The following ALOX5 variants were observed in gnomAD, a reference collection of about 807,000 sequenced individuals.
ALOX5 encodes the protein arachidonate 5-lipoxygenase.
A neutral mutation model predicts 87.9 loss-of-function variants in ALOX5; 64 were observed. The ratio of observed to expected loss-of-function variants is 0.73; its 90% CI spans 0.60 to 0.90. ALOX5 has a LOEUF of 0.90. ALOX5 is among the 40% of genes least tolerant of loss of function. The probability of loss-of-function intolerance (pLI) is 0.00; values close to 1 mark genes in which losing one functional copy is unlikely to be tolerated. For missense variants in ALOX5, 822 were observed against 907.5 expected, an observed-to-expected ratio of 0.91 and a Z score of 1.21; for synonymous variants, 388 against 355.1, an observed-to-expected ratio of 1.09 and a Z score of -1.04.
intron 1 of ALOX5, 87 bp downstream of exon 1, chr10:45,374,516 G>A (rs1839513575): frequency 2.3e-6 from 3 of 1,286,022 alleles, no homozygotes; most frequent in Non-Finnish European, 3.0e-6. Context: ...CGGGGGCGCC[G>A]AGGGCCCGTC....
At chr10:45,424,672 C>A (rs1259406374) in intron 5 of ALOX5, among the ~76,000 whole-genome samples, 3 of 152,204 alleles carry the variant, frequency 2.0e-5, no homozygotes, top group African/African-American at 7.2e-5. Flanking sequence ...CCCAGGGACT[C>A]TCCTCCACGC....
chr10:45,445,633 G>T lies in ALOX5; in HGVS notation c.1971G>T (p.Gln657His). 6.2e-7 allele frequency: 1 copy of T among 1,614,002 alleles called. No homozygotes were observed. The highest frequency in any genetic ancestry group is 8.5e-7 in the Non-Finnish European group (1 of 1,180,016). Residue 657 changes from glutamine (Q) to histidine (H), a missense_variant, in exon 14 of 14, where the codon CAG becomes CAT. Gln to His is a conservative substitution (Grantham distance 24). Coordinates refer to ENST00000374391, the MANE Select transcript of ALOX5 (RefSeq NM_000698.5). ...SVIAERNKKKQLPYYYLSPDR... is the reference protein window; with the variant it reads ...SVIAERNKKKHLPYYYLSPDR... ...TTGCTGAGCGCAACAAGAAGAAGCAGCTGCCATATTACTACTTGTCCCCAG... is the reference window on the plus strand; with the variant it reads ...TTGCTGAGCGCAACAAGAAGAAGCATCTGCCATATTACTACTTGTCCCCAG...
rs1302660614 is a variant in ALOX5, at chr10:45,426,553, A to C, written c.834+1421A>C. On this transcript the variant is annotated intron_variant, in intron 6 of 13. Transcript: ENST00000374391. The stretch of plus-strand genomic sequence containing the variant: ...TTTAAAATGTGCAGTTATTTTCCGG[A>C]TCATGAATAGAGAAATTGTATCCCT... Among the ~76,000 whole-genome samples, 5 of 152,336 alleles carry C rather than the reference A, an allele frequency of 3.3e-5. No individual in the cohort carries two copies. The East Asian group carries it at 9.6e-4, about 29-fold the overall frequency.
chr10:45,391,006 TC>T (rs1840207471), intron 2 of ALOX5, among the ~76,000 whole-genome samples: 1 of 18,770 alleles, frequency 5.3e-5, no homozygotes, highest in Admixed American at 7.0e-4. Context: ...CCCTCTCCCC[TC>T]TCTCCTCTCC....
intron 2 of ALOX5, among the ~76,000 whole-genome samples, chr10:45,387,445 G>A (rs558514330): frequency 8.5e-5 from 13 of 152,276 alleles, no homozygotes; most frequent in Non-Finnish European, 1.6e-4. Context: ...CAGAGAAGAG[G>A]AGTAAACTAT....
chr10:45,388,281 A>C (rs1380779625), intron 2 of ALOX5, among the ~76,000 whole-genome samples: 2 of 152,226 alleles, frequency 1.3e-5, no homozygotes, highest in African/African-American at 4.8e-5. Context: ...ATAGCCGAAC[A>C]AAAGGCAGCA....
chr10:45,397,510 C>G (rs755044663), intron 3 of ALOX5, among the ~76,000 whole-genome samples: 1 of 152,094 alleles, frequency 6.6e-6, no homozygotes, highest in East Asian at 1.9e-4. Flanking sequence ...CTAGCCAGCT[C>G]AGTTAGGGAA....
At chr10:45,441,962 A>G (rs962661811) in intron 9 of ALOX5, among the ~76,000 whole-genome samples, 1 of 151,978 alleles carries the variant, frequency 6.6e-6, no homozygotes, top group South Asian at 2.1e-4. Context: ...GGACTCTCAC[A>G]TGGGCCCTTG....
rs1841677240 is a variant in ALOX5, at chr10:45,425,611, C to T, written c.834+479C>T. Among the ~76,000 whole-genome samples, 1 of 152,198 alleles carries T rather than the reference C, an allele frequency of 6.6e-6. No individual in the cohort carries two copies. The highest frequency in any genetic ancestry group is 2.4e-5 in the African/African-American group (1 of 41,456). ...TTTTCTCGTTAGAAATGCTGCTGCC[C>T]ATGCTCCTGTCGCACCCTCCTCCCC... On this transcript the variant is annotated intron_variant, in intron 6 of 13. Coordinates refer to ENST00000374391, the MANE Select transcript of ALOX5 (RefSeq NM_000698.5). This position sits in a 1 kb window ranked among gnomAD's most constrained non-coding sequence, Gnocchi z 4.4.
chr10:45,388,010 A>G (rs1840064271), intron 2 of ALOX5, among the ~76,000 whole-genome samples: 1 of 152,182 alleles, frequency 6.6e-6, no homozygotes, highest in African/African-American at 2.4e-5. Context: ...GGGAAGTGCA[A>G]GGAGTCAGGG....
chr10:45,390,881 C>CA (rs1481743390), intron 2 of ALOX5, among the ~76,000 whole-genome samples: 1 of 152,108 alleles, frequency 6.6e-6, no homozygotes, highest in Non-Finnish European at 1.5e-5. Context: ...AAAATCCCTT[C>CA]AAAAAATCAA....
intron 3 of ALOX5, among the ~76,000 whole-genome samples, chr10:45,405,617 T>C (rs1840852668): frequency 6.6e-6 from 1 of 152,238 alleles, no homozygotes. Flanking sequence ...CTATAACTTT[T>C]GGGTTTCCTC....
chr10:45,408,966 C>A (rs1840971232), intron 3 of ALOX5, among the ~76,000 whole-genome samples: 1 of 152,172 alleles, frequency 6.6e-6, no homozygotes, highest in African/African-American at 2.4e-5. Flanking sequence ...TTAAACTTTT[C>A]TCCTTACATA....
At chr10:45,443,306 C>G in intron 10 of ALOX5, 90 bp downstream of exon 10, 1 of 1,580,804 alleles carries the variant, frequency 6.3e-7, no homozygotes, top group Non-Finnish European at 8.6e-7. Context: ...ACCGCTAGCG[C>G]TGAATGGGGA....
At chr10:45,382,741 C>A in intron 2 of ALOX5, 60 bp downstream of exon 2, 2 of 1,546,928 alleles carry the variant, frequency 1.3e-6, no homozygotes, top group East Asian at 2.4e-5. Context: ...TCTTCCTGTC[C>A]TCAAAGCACT....
intron 7 of ALOX5, among the ~76,000 whole-genome samples, chr10:45,434,801 T>C (rs1589042848): frequency 6.6e-6 from 1 of 152,200 alleles, no homozygotes; most frequent in East Asian, 1.9e-4. Flanking sequence ...TCATATTCAG[T>C]TGATGGAAAA....
intron 3 of ALOX5, among the ~76,000 whole-genome samples, chr10:45,405,997 T>C (rs1454625108): frequency 2.0e-5 from 3 of 152,136 alleles, no homozygotes; most frequent in African/African-American, 7.2e-5. Context: ...TCCTCCTGAC[T>C]TGGATGACAG....
Position 45,425,142 on chromosome 10 carries a change from G to T in ALOX5, c.834+10G>T. 6.2e-7 allele frequency: 1 copy of T among 1,611,432 alleles called. No homozygotes were observed. On this transcript the variant is annotated intron_variant, in intron 6 of 13. Coordinates refer to ENST00000374391, the MANE Select transcript of ALOX5 (RefSeq NM_000698.5). This position sits in a 1 kb window ranked among gnomAD's most constrained non-coding sequence, Gnocchi z 4.4. ...GGAGCAGGAGGTCCAGGTAGGGGTT[G>T]ATGGGCTGGGGAAGTGGCCAAGGTC...
intron 8 of ALOX5, 111 bp from the exon 9 acceptor site, chr10:45,441,233 G>A: frequency 1.1e-6 from 1 of 887,492 alleles, no homozygotes; most frequent in African/African-American, 1.7e-5. Context: ...CTTCCTCCCT[G>A]CGCCCAGCAT....
Sources: allele counts gnomAD v4.1 joint callset (sites outside exome capture counted in the v4.1 genomes callset), GRCh38; gene constraint gnomAD v4.1.1; non-coding constraint Gnocchi (gnomAD v3.1); transcripts MANE v1.5; gene names NCBI Gene and HGNC (gene_info 2026-07-23, HGNC 2026-07-21).